PDSS2: variants seen among roughly 807,000 people sequenced by gnomAD.
PDSS2 encodes decaprenyl diphosphate synthase subunit 2, also known as all trans-polyprenyl-diphosphate synthase PDSS2.
In PDSS2, 31 loss-of-function variants were observed where a neutral mutation model predicts 44.5. That is an observed-to-expected ratio of 0.70 (90% CI 0.52 to 0.94). PDSS2 has a LOEUF of 0.94. Among genes scored for constraint, PDSS2 ranks in the 40% least tolerant of loss-of-function variants. PDSS2 has a pLI of 0.00. For missense variants in PDSS2, 452 were observed against 482.2 expected, an observed-to-expected ratio of 0.94 and a Z score of 0.59; for synonymous variants, 157 against 180.3, an observed-to-expected ratio of 0.87 and a Z score of 1.03.
intron 2 of PDSS2, among the ~76,000 whole-genome samples, chr6:107,332,753 A>G (rs1777752915): frequency 6.6e-6 from 1 of 152,242 alleles, no homozygotes; most frequent in Admixed American, 6.5e-5. Context: ...AATAAGCTTA[A>G]CAACTCTTAC....
intron 4 of PDSS2, among the ~76,000 whole-genome samples, chr6:107,215,135 T>C (rs1773368669): frequency 6.6e-6 from 1 of 152,172 alleles, no homozygotes; most frequent in South Asian, 2.1e-4. Flanking sequence ...CAATATATAT[T>C]AATAAACCTA....
rs572887465 is a variant in PDSS2, at chr6:107,169,225, T to A, written c.1042-14448A>T. 2.6e-5 allele frequency among the ~76,000 whole-genome samples: 4 copies of A among 152,292 alleles called. 1 individual carries two copies. The East Asian group carries it at 7.7e-4, about 29-fold the overall frequency. Reference sequence around the variant, plus strand: ...TTCTCTTCTCGCTTCATTTCATTCATTTGATCTTCAATCACTTGATACCCT... The same window carrying A: ...TTCTCTTCTCGCTTCATTTCATTCAATTGATCTTCAATCACTTGATACCCT... On this transcript the variant is annotated intron_variant, in intron 7 of 7. Coordinates refer to ENST00000369037, the MANE Select transcript of PDSS2 (RefSeq NM_020381.4).
At position 107,209,584 on chromosome 6, in the gene PDSS2, A is replaced by T. The variant is rs148149693; in HGVS notation, c.1008+855T>A. ...AAGCTTTTTTTTTTTTTTTTTTTTA[A>T]ATTTCAAAAACTTTAATTTTGTAGA... On this transcript the variant is annotated intron_variant, in intron 6 of 7. Coordinates refer to ENST00000369037, the MANE Select transcript of PDSS2 (RefSeq NM_020381.4). 7.1e-3 allele frequency among the ~76,000 whole-genome samples: 986 copies of T among 138,664 alleles called. 6 individuals carry two copies. Among genetic ancestry groups the T allele is most frequent in the African/African-American group, 0.025 (940 of 36,990 alleles). The allele number at this position is 138,664 out of a possible 152,430, so 91.0% of individuals were successfully genotyped here.
intron 1 of PDSS2, among the ~76,000 whole-genome samples, chr6:107,412,959 G>T (rs892291076): frequency 2.6e-5 from 4 of 152,042 alleles, no homozygotes; most frequent in Non-Finnish European, 5.9e-5. Flanking sequence ...CATATCCTAG[G>T]TTGTTATATT....
intron 2 of PDSS2, among the ~76,000 whole-genome samples, chr6:107,298,880 A>T (rs1776598431): frequency 6.6e-6 from 1 of 152,186 alleles, no homozygotes; most frequent in African/African-American, 2.4e-5. Flanking sequence ...GGTGGCTCAC[A>T]TCTGTAATCC....
At chr6:107,263,736 T>C (rs1775322477) in intron 3 of PDSS2, among the ~76,000 whole-genome samples, 2 of 152,216 alleles carry the variant, frequency 1.3e-5, no homozygotes, top group Non-Finnish European at 2.9e-5. Flanking sequence ...CAAGGAAGCA[T>C]GACCAGAAAA....
At chr6:107,272,976 T>G (rs770864475) in intron 3 of PDSS2, among the ~76,000 whole-genome samples, 2 of 152,140 alleles carry the variant, frequency 1.3e-5, no homozygotes, top group African/African-American at 2.4e-5. Context: ...AGTATCACTC[T>G]GTCGCCCAGG....
At chr6:107,392,874 T>G (rs1031432192) in intron 1 of PDSS2, among the ~76,000 whole-genome samples, 10 of 152,192 alleles carry the variant, frequency 6.6e-5, no homozygotes, top group African/African-American at 2.4e-4. Flanking sequence ...TTAGCCTGTT[T>G]TGATTCCTCT....
At chr6:107,278,158 A>G (rs1315942263) in intron 2 of PDSS2, among the ~76,000 whole-genome samples, 1 of 152,122 alleles carries the variant, frequency 6.6e-6, no homozygotes, top group African/African-American at 2.4e-5. Flanking sequence ...TGTTAAAAAA[A>G]TTAAGAGAAT....
intron 5 of PDSS2, among the ~76,000 whole-genome samples, chr6:107,210,975 G>GAC (rs1773182391): frequency 6.8e-6 from 1 of 147,970 alleles, no homozygotes; most frequent in South Asian, 2.2e-4. Flanking sequence ...CCCTCTGGGC[G>GAC]AGAGCAAAAC....
rs554738453 is a variant in PDSS2 at position 107,210,141 on chromosome 6, A to G, written c.1008+298T>C. ...TAGGGTGGTGCTATTACCATAGCCCAATTTTTGAAAGCCTTTAGAAAAAAA... is the reference window on the plus strand; with the variant it reads ...TAGGGTGGTGCTATTACCATAGCCCGATTTTTGAAAGCCTTTAGAAAAAAA... On this transcript the variant is annotated intron_variant, in intron 6 of 7. Transcript: ENST00000369037. Among the ~76,000 whole-genome samples the G allele has an allele frequency of 3.3e-5, 5 of 152,304 alleles. No homozygotes were observed. In the East Asian group the frequency reaches 9.6e-4, roughly 29 times the overall value.
chr6:107,306,538 G>A (rs1315996669), intron 2 of PDSS2, among the ~76,000 whole-genome samples: 2 of 152,140 alleles, frequency 1.3e-5, no homozygotes, highest in Admixed American at 6.6e-5. Flanking sequence ...GACTAATACA[G>A]TAAATTGCTC....
chr6:107,238,865 T>C (rs1774320531), intron 4 of PDSS2, among the ~76,000 whole-genome samples: 1 of 152,158 alleles, frequency 6.6e-6, no homozygotes, highest in Non-Finnish European at 1.5e-5. Context: ...ATACTGAAAA[T>C]ACTCTTCTTG....
chr6:107,424,704 T>C (rs1477921100), intron 1 of PDSS2, among the ~76,000 whole-genome samples: 2 of 152,206 alleles, frequency 1.3e-5, no homozygotes, highest in African/African-American at 2.4e-5. Flanking sequence ...TGTATACCTT[T>C]GGTATATGTC....
intron 1 of PDSS2, among the ~76,000 whole-genome samples, chr6:107,442,694 C>A (rs1781546348): frequency 6.6e-6 from 1 of 152,228 alleles, no homozygotes; most frequent in South Asian, 2.1e-4. Context: ...CTACACCCAA[C>A]ATACTTCTGC....
chr6:107,225,053 C>T (rs1038740938), intron 4 of PDSS2, among the ~76,000 whole-genome samples: 2 of 145,824 alleles, frequency 1.4e-5, no homozygotes. Context: ...CGTGCCATGG[C>T]AGCTGGCTTC....
intron 1 of PDSS2, among the ~76,000 whole-genome samples, chr6:107,398,778 G>T (rs1024136383): frequency 6.6e-6 from 1 of 152,064 alleles, no homozygotes; most frequent in African/African-American, 2.4e-5. Context: ...TTCCTGCGTG[G>T]GCTCCCCCAC....
At chr6:107,411,622 T>C (rs1780496430) in intron 1 of PDSS2, among the ~76,000 whole-genome samples, 1 of 152,178 alleles carries the variant, frequency 6.6e-6, no homozygotes, top group African/African-American at 2.4e-5. Context: ...ACTGGGTATA[T>C]ACAGACTTTT....
At chr6:107,247,675 C>T (rs890059853) in intron 3 of PDSS2, among the ~76,000 whole-genome samples, 8 of 151,852 alleles carry the variant, frequency 5.3e-5, no homozygotes, top group Non-Finnish European at 1.2e-4. Flanking sequence ...CTTTACATTG[C>T]CTGAAATGTT....
Sources: gnomAD v4.1 joint callset for allele counts (sites outside exome capture counted in the v4.1 genomes callset) on GRCh38, gnomAD v4.1.1 for gene constraint, MANE v1.5 for transcripts, NCBI Gene and HGNC (gene_info 2026-07-23, HGNC 2026-07-21) for gene names.